DNAAF11: variants seen among roughly 807,000 people sequenced by gnomAD.
The protein encoded by DNAAF11 is leucine rich repeat containing 6.
Under a neutral mutation model 60.8 loss-of-function variants are expected in DNAAF11, and 45 were observed. The observed-to-expected ratio is 0.74, with a 90% CI of 0.58 to 0.95. The LOEUF is 0.95. Among genes scored for constraint, DNAAF11 ranks in the 40% least tolerant of loss-of-function variants. DNAAF11 has a pLI of 0.00. For synonymous variants in DNAAF11, 191 were observed against 183.5 expected (o/e 1.04, Z -0.33); for missense variants, 546 against 546.2 (o/e 1.00, Z 0.00).
At chr8:132,629,980 A>G (rs752565465) in intron 5 of DNAAF11, among the ~76,000 whole-genome samples, 24 of 152,204 alleles carry the variant, frequency 1.6e-4, no homozygotes, top group Admixed American at 6.5e-4. Context: ...AACCTCATTG[A>G]AGGACTCAGA....
the DNAAF11 span, among the ~76,000 whole-genome samples, chr8:132,696,658 G>C: frequency 3.3e-5 from 5 of 152,166 alleles, no homozygotes; most frequent in Non-Finnish European, 7.3e-5. Flanking sequence ...TCAGTGACAA[G>C]ATTGGGTAAA....
chr8:132,644,985 T>A (rs1298838460), intron 3 of DNAAF11, among the ~76,000 whole-genome samples: 3 of 152,146 alleles, frequency 2.0e-5, no homozygotes, highest in Non-Finnish European at 4.4e-5. Context: ...AAGAGAGTAG[T>A]GGTCCTCCCA....
chr8:132,590,134 A>G (rs1210103800), intron 10 of DNAAF11, among the ~76,000 whole-genome samples: 1 of 152,176 alleles, frequency 6.6e-6, no homozygotes, highest in East Asian at 1.9e-4. Context: ...TGGCTTCACT[A>G]TCACTATCCA....
At chr8:132,644,416 T>C (rs890667435) in intron 3 of DNAAF11, among the ~76,000 whole-genome samples, 3 of 152,162 alleles carry the variant, frequency 2.0e-5, no homozygotes, top group African/African-American at 7.2e-5. Context: ...GCTCCCAGCA[T>C]GAGCGACACA....
intron 6 of DNAAF11, among the ~76,000 whole-genome samples, chr8:132,623,356 C>T (rs943929655): frequency 1.3e-5 from 2 of 151,898 alleles, no homozygotes; most frequent in African/African-American, 4.8e-5. Context: ...AAATATAAAT[C>T]CATTTTTGTT....
chr8:132,658,798 A>C (rs1457882769), intron 2 of DNAAF11, among the ~76,000 whole-genome samples: 3 of 152,164 alleles, frequency 2.0e-5, no homozygotes, highest in African/African-American at 7.2e-5. Flanking sequence ...CATATGATAG[A>C]AAAGTAAGAA....
At position 132,634,804 on chromosome 8, in the gene DNAAF11, C is replaced by T. The variant is rs1426133054; in HGVS notation, c.430-1841G>A. 3.2e-4 allele frequency among the ~76,000 whole-genome samples: 48 copies of T among 148,564 alleles called. No individual in the cohort carries two copies. In the Admixed American group the frequency reaches 3.2e-3, roughly 10 times the overall value. Reference sequence around the variant, plus strand: ...TAATTTATATATAAATATATATTAACATAAATACATTATATATAACTGTAT... The same window carrying T: ...TAATTTATATATAAATATATATTAATATAAATACATTATATATAACTGTAT... On this transcript the variant is annotated intron_variant, in intron 4 of 11. Transcript: ENST00000620350.
rs149119061 is a variant in DNAAF11, at chr8:132,584,721, T to G, written c.1141-942A>C. The stretch of plus-strand genomic sequence containing the variant: ...ACTCATTCACCTGCCACATCTCTCT[T>G]ATGGGCAGGGTCATTATCTCAAGGG... On this transcript the variant is annotated intron_variant, in intron 10 of 11. Transcript: ENST00000620350. Among the ~76,000 whole-genome samples the G allele has an allele frequency of 3.9e-3, 601 of 152,206 alleles. 11 individuals are homozygous for G. The highest frequency in any genetic ancestry group is 0.014 in the African/African-American group (580 of 41,530).
intron 3 of DNAAF11, among the ~76,000 whole-genome samples, chr8:132,655,424 T>C (rs1484888227): frequency 1.3e-5 from 2 of 151,922 alleles, no homozygotes; most frequent in South Asian, 2.1e-4. Context: ...ATCCAGACAG[T>C]AAAACCAAAG....
At chr8:132,690,638 T>G in the DNAAF11 span, among the ~76,000 whole-genome samples, 1 of 152,216 alleles carries the variant, frequency 6.6e-6, no homozygotes, top group African/African-American at 2.4e-5. Flanking sequence ...CATTACCTAA[T>G]GTCAGTTTTG....
At chr8:132,602,641 C>A (rs575676929) in intron 10 of DNAAF11, among the ~76,000 whole-genome samples, 3 of 151,914 alleles carry the variant, frequency 2.0e-5, no homozygotes, top group Admixed American at 6.6e-5. Flanking sequence ...AGAGCAACAA[C>A]CTGCCATAAT....
intron 1 of DNAAF11, among the ~76,000 whole-genome samples, chr8:132,663,134 A>G (rs745764963): frequency 6.6e-6 from 1 of 152,216 alleles, no homozygotes; most frequent in Non-Finnish European, 1.5e-5. Flanking sequence ...CTGGTAAGGG[A>G]CAGCCCAAAG....
At chr8:132,628,708 G>A (rs1005154520) in intron 5 of DNAAF11, among the ~76,000 whole-genome samples, 2 of 152,070 alleles carry the variant, frequency 1.3e-5, no homozygotes, top group Admixed American at 6.6e-5. Flanking sequence ...GAATGTCTAC[G>A]TTTCTGTTCA....
chr8:132,585,498 A>G (rs1279660932), intron 10 of DNAAF11, among the ~76,000 whole-genome samples: 2 of 152,144 alleles, frequency 1.3e-5, no homozygotes, highest in Admixed American at 1.3e-4. Flanking sequence ...TAATACCCTT[A>G]ATGTCACAAG....
upstream of DNAAF11, among the ~76,000 whole-genome samples, chr8:132,677,132 C>G (rs138959746): frequency 2.6e-5 from 4 of 152,136 alleles, no homozygotes; most frequent in Non-Finnish European, 4.4e-5. Flanking sequence ...GACACTGACA[C>G]GTGACACTGA....
intron 11 of DNAAF11, among the ~76,000 whole-genome samples, chr8:132,583,160 C>A (rs1438524649): frequency 2.0e-5 from 3 of 152,068 alleles, no homozygotes; most frequent in Non-Finnish European, 4.4e-5. Flanking sequence ...GACCAACAGT[C>A]AGGAGATTGA....
chr8:132,681,003 C>CTT, the DNAAF11 span, among the ~76,000 whole-genome samples: 17 of 52,332 alleles, frequency 3.2e-4, 3 homozygotes, highest in African/African-American at 1.1e-3. Context: ...ATAACTATTC[C>CTT]TTTTTTTTTT....
At chr8:132,593,577 C>T (rs1389754624) in intron 10 of DNAAF11, among the ~76,000 whole-genome samples, 3 of 151,036 alleles carry the variant, frequency 2.0e-5, no homozygotes, top group Non-Finnish European at 4.4e-5. Context: ...AAGCTGATTC[C>T]TAAATTTATA....
intron 7 of DNAAF11, among the ~76,000 whole-genome samples, chr8:132,615,460 G>C (rs1212956877): frequency 6.6e-6 from 1 of 152,140 alleles, no homozygotes; most frequent in Non-Finnish European, 1.5e-5. Flanking sequence ...GAGAACTAAA[G>C]GTTGCTTTTG....
Sources: allele counts gnomAD v4.1 joint callset (sites outside exome capture counted in the v4.1 genomes callset), GRCh38; gene constraint gnomAD v4.1.1; transcripts MANE v1.5; gene names NCBI Gene and HGNC (gene_info 2026-07-23, HGNC 2026-07-21).